IGF1: variants seen among roughly 807,000 people sequenced by gnomAD.
IGF1 encodes the protein insulin like growth factor 1.
A neutral mutation model predicts 13.8 loss-of-function variants in IGF1; 4 were observed. The observed-to-expected ratio is 0.29, with a 90% confidence interval of 0.14 to 0.66. The LOEUF is 0.66. Ranked by LOEUF, IGF1 falls within the 30% of genes least tolerant of loss-of-function variation. The pLI, the probability that IGF1 is intolerant of heterozygous loss-of-function variation, is 0.78. For missense variants in IGF1, 124 were observed against 188.5 expected (o/e 0.66, Z 2.00); for synonymous variants, 76 against 72.6 (o/e 1.05, Z -0.23).
chr12:102,407,359 C>G (rs1320862529), intron 3 of IGF1, among the ~76,000 whole-genome samples: 3 of 152,148 alleles, frequency 2.0e-5, no homozygotes, highest in Non-Finnish European at 4.4e-5. Context: ...AAAATAATAA[C>G]AGTTCCCATT....
intron 3 of IGF1, chr12:102,417,736 C>G: frequency 6.3e-7 from 1 of 1,586,810 alleles, no homozygotes; most frequent in Non-Finnish European, 8.5e-7. Context: ...TTCATTTCCT[C>G]TATTGTATTT....
chr12:102,441,871 A>C (rs1877752044), intron 2 of IGF1, among the ~76,000 whole-genome samples: 1 of 136,758 alleles, frequency 7.3e-6, no homozygotes, highest in African/African-American at 2.7e-5. Flanking sequence ...ATCCAAACTC[A>C]AGACTTTCTG....
chr12:102,422,782 T>C (rs965749485), intron 2 of IGF1, among the ~76,000 whole-genome samples: 3 of 152,250 alleles, frequency 2.0e-5, no homozygotes, highest in African/African-American at 7.2e-5. Context: ...AATTGTTTTA[T>C]CTTTGCCTTG....
chr12:102,452,261 CA>C (rs538007224), intron 2 of IGF1, among the ~76,000 whole-genome samples: 6,989 of 40,786 alleles, frequency 0.17, 25 homozygotes, highest in Middle Eastern at 0.3. Flanking sequence ...GACTCCGTCT[CA>C]AAAAAAAAAA....
At chr12:102,411,654 TA>T (rs1874652196) in intron 3 of IGF1, among the ~76,000 whole-genome samples, 1 of 152,248 alleles carries the variant, frequency 6.6e-6, no homozygotes, top group African/African-American at 2.4e-5. Flanking sequence ...CAGCTTTTCA[TA>T]AATCTTGCTC....
chr12:102,418,132 CTCAGT>C, intron 3 of IGF1: 1 of 907,754 alleles, frequency 1.1e-6, no homozygotes, highest in South Asian at 2.0e-5. Context: ...GGGTCTAGAC[CTCAGT>C]CACAAGACCC....
chr12:102,471,905 A>C (rs1053719620), intron 2 of IGF1, among the ~76,000 whole-genome samples: 1 of 152,208 alleles, frequency 6.6e-6, no homozygotes, highest in Non-Finnish European at 1.5e-5. Flanking sequence ...AAAATGGTTA[A>C]TCACCATGGC....
chr12:102,423,259 G>GAAAAAA (rs138450873), intron 2 of IGF1: 2 of 43,124 alleles, frequency 4.6e-5, no homozygotes, highest in African/African-American at 1.1e-4. Flanking sequence ...TCGATGCTAC[G>GAAAAAA]AAAAAAAAAA....
At chr12:102,445,001 C>T (rs1404143489) in intron 2 of IGF1, among the ~76,000 whole-genome samples, 1 of 152,016 alleles carries the variant, frequency 6.6e-6, no homozygotes. Context: ...GGAATCCTTT[C>T]CCCATTGCTT....
At chr12:102,435,904 A>G (rs1877184607) in intron 2 of IGF1, among the ~76,000 whole-genome samples, 1 of 152,224 alleles carries the variant, frequency 6.6e-6, no homozygotes, top group African/African-American at 2.4e-5. Context: ...AAGTTCTCAA[A>G]TGATGCCAGT....
At chr12:102,405,001 C>T (rs1404049655) in intron 3 of IGF1, among the ~76,000 whole-genome samples, 2 of 151,974 alleles carry the variant, frequency 1.3e-5, no homozygotes, top group Non-Finnish European at 2.9e-5. Context: ...TTGTGATCCA[C>T]CCGCCTTGGC....
chr12:102,438,517 C>A (rs749741307), intron 2 of IGF1, among the ~76,000 whole-genome samples: 1 of 152,232 alleles, frequency 6.6e-6, no homozygotes, highest in South Asian at 2.1e-4. Context: ...GTGAAGAAAT[C>A]TGTTTCATGG....
rs17885092 is a variant in IGF1 at position 102,419,846 on chromosome 12, G to T, written c.221-156C>A. On this transcript the variant is annotated intron_variant, in intron 2 of 3. Transcript: ENST00000337514. ...CTTCCCCAATGATTCCTGACCCCAC[G>T]TATCTTTCTGAATGCCAGTATGTCT... is the stretch of plus-strand genomic sequence containing the variant. Among the ~76,000 whole-genome samples, 473 of 152,092 alleles carry T rather than the reference G, an allele frequency of 3.1e-3. 3 individuals carry two copies. Among genetic ancestry groups the T allele is most frequent in the African/African-American group, 0.011 (446 of 41,516 alleles).
In IGF1 at chr12:102,454,558, C is replaced by T. The variant is rs901846698; in HGVS notation, c.220+21085G>A. Among the ~76,000 whole-genome samples the T allele has an allele frequency of 2.6e-5, 4 of 152,238 alleles. 1 individual carries two copies. Among genetic ancestry groups the T allele is most frequent in the Non-Finnish European group, 5.9e-5 (4 of 68,046 alleles). On this transcript the variant is annotated intron_variant, in intron 2 of 3. Coordinates refer to ENST00000337514, the MANE Select transcript of IGF1 (RefSeq NM_000618.5). ...TAGCTGAGTCTGAAGGCCATTGCCA[C>T]CTTTGCGAATAAGCCAGGGCATGAC...
intron 2 of IGF1, among the ~76,000 whole-genome samples, chr12:102,475,086 A>T (rs1054223984): frequency 6.6e-6 from 1 of 152,132 alleles, no homozygotes; most frequent in Admixed American, 6.6e-5. Flanking sequence ...GCATTTAGAG[A>T]CAGTCTGTGT....
At chr12:102,434,500 T>C (rs1454474718) in intron 2 of IGF1, among the ~76,000 whole-genome samples, 2 of 146,882 alleles carry the variant, frequency 1.4e-5, no homozygotes, top group Non-Finnish European at 3.0e-5. Flanking sequence ...TATGGCTGCA[T>C]AGTATTCCAT....
At chr12:102,411,870 G>T (rs1487752292) in intron 3 of IGF1, among the ~76,000 whole-genome samples, 1 of 152,168 alleles carries the variant, frequency 6.6e-6, no homozygotes, top group Non-Finnish European at 1.5e-5. Flanking sequence ...GTTAAGAAAT[G>T]GGAAAGTGGT....
At chr12:102,418,103 C>T in intron 3 of IGF1, 3 of 1,261,498 alleles carry the variant, frequency 2.4e-6, no homozygotes, top group Non-Finnish European at 3.3e-6. Flanking sequence ...ATGCAGGAGA[C>T]AGCACTCATG....
intron 2 of IGF1, among the ~76,000 whole-genome samples, chr12:102,456,915 A>G (rs1879460898): frequency 6.6e-6 from 1 of 152,084 alleles, no homozygotes; most frequent in Non-Finnish European, 1.5e-5. Flanking sequence ...ACTTCACTCA[A>G]ATTACCTCTG....
Sources: allele counts gnomAD v4.1 joint callset (sites outside exome capture counted in the v4.1 genomes callset), GRCh38; gene constraint gnomAD v4.1.1; transcripts MANE v1.5; gene names NCBI Gene and HGNC (gene_info 2026-07-23, HGNC 2026-07-21).